The following VPS35L variants were observed in gnomAD, a reference collection of about 807,000 sequenced individuals.
VPS35L encodes the protein VPS35 endosomal protein-sorting factor-like.
VPS35L carries 83 observed loss-of-function variants against 133.0 expected under a neutral mutation model. The observed-to-expected ratio is 0.62, with a 90% CI of 0.52 to 0.75. The LOEUF is 0.75. VPS35L is among the 30% of genes least tolerant of loss of function. VPS35L has a pLI of 0.00. For synonymous variants in VPS35L, 423 were observed against 449.9 expected, an observed-to-expected ratio of 0.94 and a Z score of 0.76; for missense variants, 1,083 against 1,206.8, an observed-to-expected ratio of 0.90 and a Z score of 1.52.
intron 1 of VPS35L, among the ~76,000 whole-genome samples, chr16:19,563,247 A>T (rs1597301891): frequency 1.3e-5 from 2 of 151,428 alleles, no homozygotes; most frequent in Non-Finnish European, 2.9e-5. Context: ...AGGCAGGAGG[A>T]TCACTTGAGC....
intron 9 of VPS35L, among the ~76,000 whole-genome samples, chr16:19,602,351 C>T (rs1046674314): frequency 4.6e-5 from 7 of 152,104 alleles, no homozygotes; most frequent in Admixed American, 2.6e-4. Context: ...CGTTCTCATC[C>T]GTCCAAGCTA....
At chr16:19,584,694 G>GTT (rs887257382) in intron 7 of VPS35L, among the ~76,000 whole-genome samples, 1 of 137,850 alleles carries the variant, frequency 7.3e-6, no homozygotes, top group Admixed American at 7.3e-5. Context: ...CTTTCTTTTT[G>GTT]TTTTTTTTTA....
chr16:19,692,687 C>T (rs1354020306), intron 29 of VPS35L, among the ~76,000 whole-genome samples: 2 of 152,164 alleles, frequency 1.3e-5, no homozygotes, highest in Non-Finnish European at 2.9e-5. Flanking sequence ...CCTCAGCCTC[C>T]CAAGTAGCTG....
intron 26 of VPS35L, among the ~76,000 whole-genome samples, chr16:19,667,088 C>T (rs963460746): frequency 2.0e-5 from 3 of 151,880 alleles, no homozygotes; most frequent in South Asian, 2.1e-4. Flanking sequence ...CTCAGCCTCC[C>T]GAGTAGCTGG....
intron 26 of VPS35L, among the ~76,000 whole-genome samples, chr16:19,661,615 TGG>T (rs1014128166): frequency 6.6e-6 from 1 of 152,158 alleles, no homozygotes; most frequent in Admixed American, 6.5e-5. Flanking sequence ...GTGGACTGAC[TGG>T]GGAGCTTCAA....
At chr16:19,631,487 GT>G (rs993812355) in intron 18 of VPS35L, among the ~76,000 whole-genome samples, 7 of 151,748 alleles carry the variant, frequency 4.6e-5, no homozygotes, top group Non-Finnish European at 5.9e-5. Context: ...GATTTTTGTG[GT>G]TTTTTTTGGT....
At chr16:19,613,196 G>A (rs1209078316) in intron 12 of VPS35L, among the ~76,000 whole-genome samples, 3 of 152,130 alleles carry the variant, frequency 2.0e-5, no homozygotes, top group African/African-American at 7.2e-5. Context: ...CCAGCTACTC[G>A]GAAGGCTGAG....
At chr16:19,579,306 C>G (rs141890642) in intron 6 of VPS35L, 178 bp downstream of exon 6, 11 of 570,586 alleles carry the variant, frequency 1.9e-5, no homozygotes, top group African/African-American at 1.9e-4. Flanking sequence ...GCCGAGCTCA[C>G]GGAAGCCTGA....
chr16:19,602,507 C>G (rs772737438), intron 9 of VPS35L, among the ~76,000 whole-genome samples: 1 of 152,008 alleles, frequency 6.6e-6, no homozygotes, highest in Non-Finnish European at 1.5e-5. Context: ...ATTCCTCCCT[C>G]TCTCTCCTCC....
intron 26 of VPS35L, among the ~76,000 whole-genome samples, chr16:19,666,351 C>A (rs1974663522): frequency 6.6e-6 from 1 of 152,076 alleles, no homozygotes; most frequent in Admixed American, 6.5e-5. Flanking sequence ...TTAATAGCTA[C>A]AAAACAAAGT....
chr16:19,654,804 C>T (rs1264272870), intron 26 of VPS35L, among the ~76,000 whole-genome samples: 2 of 152,180 alleles, frequency 1.3e-5, no homozygotes, highest in African/African-American at 4.8e-5. Context: ...AGCTATGACA[C>T]CACTTACCAG....
Position 19,611,513 on chromosome 16 carries a change from G to A in VPS35L, c.1023+1098G>A, listed in dbSNP as rs115152039. Among the ~76,000 whole-genome samples the A allele has an allele frequency of 5.7e-3, 864 of 152,248 alleles. 12 individuals carry two copies. Among genetic ancestry groups the A allele is most frequent in the African/African-American group, 0.02 (818 of 41,534 alleles). On this transcript the variant is annotated intron_variant, in intron 12 of 30. Transcript: ENST00000417362. ...TTTGCACCTTATTAAATCAGAAGGC[G>A]AGAACATGTAGCCTGTGATTTGCCT... is the stretch of plus-strand genomic sequence containing the variant.
At chr16:19,652,233 G>A in intron 26 of VPS35L, 143 bp downstream of exon 26, 1 of 650,712 alleles carries the variant, frequency 1.5e-6, no homozygotes, top group Non-Finnish European at 2.7e-6. Context: ...CTGGAATGTA[G>A]TAGTGCAATC....
intron 8 of VPS35L, among the ~76,000 whole-genome samples, chr16:19,599,645 C>G (rs568454011): frequency 6.6e-6 from 1 of 152,120 alleles, no homozygotes; most frequent in African/African-American, 2.4e-5. Context: ...GGACTACACG[C>G]GTGCACCACC....
chr16:19,680,356 C>G (rs1218438287), intron 27 of VPS35L, among the ~76,000 whole-genome samples: 4 of 152,196 alleles, frequency 2.6e-5, no homozygotes. Flanking sequence ...AGCACTGTCC[C>G]AGGAGCCAGA....
intron 28 of VPS35L, among the ~76,000 whole-genome samples, chr16:19,687,554 G>T (rs1339399392): frequency 6.6e-6 from 1 of 152,176 alleles, no homozygotes; most frequent in Non-Finnish European, 1.5e-5. Context: ...GCAATCAATC[G>T]CAAAGGAAAC....
intron 6 of VPS35L, among the ~76,000 whole-genome samples, chr16:19,580,600 T>C (rs142111071): frequency 1.2e-4 from 18 of 152,166 alleles, no homozygotes; most frequent in African/African-American, 4.3e-4. Flanking sequence ...GCCAAGTCAT[T>C]ACCTACATGG....
Position 19,590,131 on chromosome 16 carries a change from CCCGCCCCG to C in VPS35L, c.640-1656_640-1649del, listed in dbSNP as rs1469346465. On this transcript the variant is annotated intron_variant, in intron 7 of 30. Transcript: ENST00000417362. ...CACTATTGTTTTTACAGCTTACATT[CCCGCCCCG>C]CCCCCCCCCCCCCCCCCACAAATAA... Among the ~76,000 whole-genome samples, 12 of 25,718 alleles carry C rather than the reference CCCGCCCCG, an allele frequency of 4.7e-4. No individual in the cohort carries two copies. The East Asian group carries it at 5.2e-3, about 11-fold the overall frequency. 16.9% of individuals were successfully genotyped at this position (25,718 alleles called of 152,430 possible). A position where few individuals can be genotyped will look rare whatever the true frequency, so the allele number is the denominator to read the frequency against.
chr16:19,626,469 A>G (rs987786275), intron 15 of VPS35L, among the ~76,000 whole-genome samples: 1 of 152,100 alleles, frequency 6.6e-6, no homozygotes, highest in Non-Finnish European at 1.5e-5. Flanking sequence ...GGGAGTAATA[A>G]TAGTTCTTTC....
Sources: allele counts gnomAD v4.1 joint callset (sites outside exome capture counted in the v4.1 genomes callset), GRCh38; gene constraint gnomAD v4.1.1; transcripts MANE v1.5; gene names NCBI Gene and HGNC (gene_info 2026-07-23, HGNC 2026-07-21).